Variants in RELCH observed in about 807,000 individuals in gnomAD.
The protein encoded by RELCH is RAB11 binding and LisH domain, coiled-coil and HEAT repeat containing.
Under a neutral mutation model 150.3 loss-of-function variants are expected in RELCH, and 41 were observed. The observed-to-expected ratio is 0.27, with a 90% CI of 0.21 to 0.35. The LOEUF (loss-of-function observed/expected upper bound fraction) is 0.35, where lower values mean the gene tolerates loss of function less well. RELCH is among the 10% of genes least tolerant of loss of function. The pLI is 1.00. For missense variants in RELCH, 1,092 were observed against 1,467.8 expected (o/e 0.74, Z 4.18); for synonymous variants, 478 against 531.8 (o/e 0.90, Z 1.39).
At position 62,261,704 on chromosome 18, in the gene RELCH, C is replaced by T. The variant is rs759545221; in HGVS notation, c.2350+46C>T. On this transcript the variant is annotated intron_variant, in intron 16 of 28. Coordinates refer to ENST00000644646, the MANE Select transcript of RELCH (RefSeq NM_001346231.2). ...AAGAAAAATGTAGAATATTAGCAGC[C>T]TAGCTTCCCAAAGAATTGTTTTTTA... The T allele has an allele frequency of 1.5e-4, 233 of 1,524,568 alleles. 2 individuals are homozygous for T. Among genetic ancestry groups the T allele is most frequent in the Non-Finnish European group, 1.1e-5 (12 of 1,124,194 alleles). The allele number at this position is 1,524,568 out of a possible 1,614,324, so 94.4% of individuals were successfully genotyped here. A position where few individuals can be genotyped will look rare whatever the true frequency, so the allele number is the denominator to read the frequency against.
At position 62,305,192 on chromosome 18, in the gene RELCH, C is replaced by T. The variant is rs890993750; in HGVS notation, c.3531-222C>T. ...ACAGAGCCAAGATTCAGTCCAGTCC[C>T]AGACTTGTTCCTAACCACTACACAT... On this transcript the variant is annotated intron_variant, in intron 28 of 28. Transcript: ENST00000644646. The surrounding 1 kb of genome is among the most constrained non-coding windows in gnomAD (Gnocchi z 4.0). Among the ~76,000 whole-genome samples the T allele has an allele frequency of 1.3e-5, 2 of 152,146 alleles. No individual in the cohort carries two copies. The highest frequency in any genetic ancestry group is 4.8e-5 in the African/African-American group (2 of 41,436).
intron 1 of RELCH, among the ~76,000 whole-genome samples, chr18:62,204,670 G>T (rs1190217027): frequency 1.3e-5 from 2 of 152,102 alleles, no homozygotes; most frequent in South Asian, 2.1e-4. Context: ...CAAGGCAGAC[G>T]TACTGATAAC....
Position 62,279,764 on chromosome 18 carries a change from G to A in RELCH, c.2968-10G>A. The A allele has an allele frequency of 6.5e-7, 1 of 1,527,880 alleles. No homozygotes were observed. Among genetic ancestry groups the A allele is most frequent in the Non-Finnish European group, 8.8e-7 (1 of 1,139,430 alleles). The allele number at this position is 1,527,880 out of a possible 1,614,324, so 94.6% of individuals were successfully genotyped here. A position where few individuals can be genotyped will look rare whatever the true frequency, so the allele number is the denominator to read the frequency against. On this transcript the variant is annotated splice_polypyrimidine_tract_variant and intron_variant, in intron 22 of 28. Coordinates refer to ENST00000644646, the MANE Select transcript of RELCH (RefSeq NM_001346231.2). The stretch of plus-strand genomic sequence containing the variant: ...ATCACCTGTGAATACCCCCTGTGCT[G>A]ACCAATCAGCTGTTGGTGAAGGGGG...
chr18:62,236,694 G>T (rs186312776), intron 10 of RELCH, among the ~76,000 whole-genome samples: 113 of 151,820 alleles, frequency 7.4e-4, no homozygotes, highest in African/African-American at 2.6e-3. Context: ...CTAGTTATTT[G>T]CATCTTCTCT....
chr18:62,249,307 C>T (rs1031351932), intron 11 of RELCH, among the ~76,000 whole-genome samples: 9 of 152,128 alleles, frequency 5.9e-5, no homozygotes, highest in African/African-American at 2.2e-4. Flanking sequence ...AATTCTATTA[C>T]TGAAACTTCT....
intron 10 of RELCH, chr18:62,235,265 C>T (rs2041823442): frequency 6.6e-6 from 1 of 151,992 alleles, no homozygotes; most frequent in South Asian, 2.1e-4. Flanking sequence ...TGTCAAAAAT[C>T]AGTTGGGCCT....
At chr18:62,280,386 G>A (rs373408233) in intron 23 of RELCH, 53 of 1,613,876 alleles carry the variant, frequency 3.3e-5, no homozygotes, top group Non-Finnish European at 4.1e-5. Context: ...TGAGTGAAGC[G>A]TTAGTTGACA....
intron 28 of RELCH, among the ~76,000 whole-genome samples, chr18:62,303,338 A>G (rs1232793017): frequency 6.6e-6 from 1 of 152,186 alleles, no homozygotes; most frequent in African/African-American, 2.4e-5. Flanking sequence ...GCAGATATAC[A>G]TTATATATCC....
At chr18:62,232,069 G>A (rs1351563303) in intron 9 of RELCH, among the ~76,000 whole-genome samples, 1 of 151,894 alleles carries the variant, frequency 6.6e-6, no homozygotes, top group Non-Finnish European at 1.5e-5. Flanking sequence ...AAGCCTATTA[G>A]GCCTCCTTGG....
intron 1 of RELCH, among the ~76,000 whole-genome samples, chr18:62,207,233 A>G (rs1344053555): frequency 6.6e-6 from 1 of 152,172 alleles, no homozygotes; most frequent in Non-Finnish European, 1.5e-5. Flanking sequence ...TGCAATTTAT[A>G]TAGATGGAAA....
rs940726300 is a variant in RELCH at position 62,216,742 on chromosome 18, G to C, written c.617-4295G>C. Among the ~76,000 whole-genome samples, 3 of 151,826 alleles carry C rather than the reference G, an allele frequency of 2.0e-5. No individual in the cohort carries two copies. The South Asian group carries it at 6.2e-4, about 32-fold the overall frequency. On this transcript the variant is annotated intron_variant, in intron 2 of 28. Coordinates refer to ENST00000644646, the MANE Select transcript of RELCH (RefSeq NM_001346231.2). Reference sequence around the variant, plus strand: ...AATGGTCTTTAGATTTTTGCTGTAGGATCACCTGTCCCTGTCCCCTGGATT... The same window carrying C: ...AATGGTCTTTAGATTTTTGCTGTAGCATCACCTGTCCCTGTCCCCTGGATT...
chr18:62,233,127 A>G (rs976822253), intron 10 of RELCH, among the ~76,000 whole-genome samples: 2 of 151,722 alleles, frequency 1.3e-5, no homozygotes, highest in Non-Finnish European at 2.9e-5. Context: ...TTTATAAATT[A>G]TTATTAAATA....
chr18:62,240,305 C>G (rs116702556), intron 10 of RELCH, among the ~76,000 whole-genome samples: 1,752 of 151,002 alleles, frequency 0.012, 25 homozygotes, highest in African/African-American at 0.04. Flanking sequence ...TTGGATTGTG[C>G]AAAAGAATTA....
At chr18:62,237,064 GC>G (rs1240023924) in intron 10 of RELCH, among the ~76,000 whole-genome samples, 1 of 151,598 alleles carries the variant, frequency 6.6e-6, no homozygotes, top group African/African-American at 2.4e-5. Flanking sequence ...TTATTTAAGA[GC>G]ATGTTGTTTA....
intron 11 of RELCH, among the ~76,000 whole-genome samples, chr18:62,245,492 G>C (rs1220853459): frequency 6.6e-6 from 1 of 152,050 alleles, no homozygotes; most frequent in Non-Finnish European, 1.5e-5. Context: ...TGGGCGTGGT[G>C]GTGGGCGCCT....
At chr18:62,188,361 T>C (rs564414425) in intron 1 of RELCH, among the ~76,000 whole-genome samples, 68 of 152,224 alleles carry the variant, frequency 4.5e-4, no homozygotes, top group Non-Finnish European at 8.7e-4. Context: ...CTTTAAGCAT[T>C]TTCCTTTTTC....
At chr18:62,256,106 T>G (rs929356837) in intron 13 of RELCH, among the ~76,000 whole-genome samples, 1 of 152,068 alleles carries the variant, frequency 6.6e-6, no homozygotes, top group Non-Finnish European at 1.5e-5. Flanking sequence ...ACTGAAAAAT[T>G]ATAGCCATTT....
chr18:62,298,871 A>T lies in RELCH; in HGVS notation c.3530+11A>T. 2 of 1,495,136 alleles carry T rather than the reference A, an allele frequency of 1.3e-6. No homozygotes were observed. The highest frequency in any genetic ancestry group is 2.4e-5 in the South Asian group (2 of 83,726). The allele number at this position is 1,495,136 out of a possible 1,614,324, so 92.6% of individuals were successfully genotyped here. A position where few individuals can be genotyped will look rare whatever the true frequency, so the allele number is the denominator to read the frequency against. ...CCAAGAGCCTCAAGGGTAAGACATT[A>T]ATTCTTTTTTTAAGGCTACATGTTA... On this transcript the variant is annotated intron_variant, in intron 28 of 28. Transcript: ENST00000644646.
chr18:62,189,274 TG>T (rs1190400645), intron 1 of RELCH, among the ~76,000 whole-genome samples: 5 of 127,916 alleles, frequency 3.9e-5, no homozygotes, highest in African/African-American at 8.6e-5. Flanking sequence ...TTTTTTTTGT[TG>T]TTTTTTTTTT....
Sources: gnomAD v4.1 joint callset for allele counts (sites outside exome capture counted in the v4.1 genomes callset) on GRCh38, gnomAD v4.1.1 for gene constraint, Gnocchi (gnomAD v3.1) non-coding constraint, MANE v1.5 for transcripts, NCBI Gene and HGNC (gene_info 2026-07-23, HGNC 2026-07-21) for gene names.